Variants in TAGAP observed in about 807,000 individuals in gnomAD.
The protein encoded by TAGAP is T cell activation RhoGTPase activating protein.
TAGAP carries 16 observed loss-of-function variants against 36.0 expected under a neutral mutation model. The observed-to-expected ratio is 0.44, with a 90% CI of 0.30 to 0.68. The LOEUF (loss-of-function observed/expected upper bound fraction) is 0.68. Ranked by LOEUF, TAGAP falls within the 30% of genes least tolerant of loss-of-function variation. The probability of loss-of-function intolerance (pLI) is 0.09; values close to 1 mark genes in which losing one functional copy is unlikely to be tolerated. For missense variants in TAGAP, 794 were observed against 921.5 expected (o/e 0.86, Z 1.79); for synonymous variants, 372 against 377.4 (o/e 0.99, Z 0.17).
Position 159,041,989 on chromosome 6 carries a change from C to T in TAGAP, c.315+89G>A. The stretch of plus-strand genomic sequence containing the variant: ...AATATGGAAGATCAGTCCCTACAAA[C>T]TTAATAGGAGAATGACATTCAGATT... On this transcript the variant is annotated intron_variant, in intron 5 of 9. Transcript: ENST00000367066. This position sits in a 1 kb window ranked among gnomAD's most constrained non-coding sequence, Gnocchi z 4.1. 1 of 1,438,710 alleles carries T rather than the reference C, an allele frequency of 7.0e-7. No homozygotes were observed. The highest frequency in any genetic ancestry group is 9.5e-7 in the Non-Finnish European group (1 of 1,050,544). 89.1% of individuals were successfully genotyped at this position (1,438,710 alleles called of 1,614,324 possible).
intron 7 of TAGAP, among the ~76,000 whole-genome samples, 169 bp downstream of exon 7, chr6:159,040,553 AG>A (rs1321716261): frequency 6.6e-6 from 1 of 152,236 alleles, no homozygotes; most frequent in African/African-American, 2.4e-5. Context: ...TCAAAAGTCC[AG>A]GGCACCCTCT....
intron 8 of TAGAP, chr6:159,038,893 C>G (rs1244749303): frequency 7.1e-7 from 1 of 1,405,892 alleles, no homozygotes. Flanking sequence ...ATACTCGCAG[C>G]ACTCATCTGT....
chr6:159,044,292 A>G, intron 1 of TAGAP, 88 bp from the exon 2 acceptor site: 1 of 715,926 alleles, frequency 1.4e-6, no homozygotes, highest in Non-Finnish European at 2.2e-6. Context: ...AGAGTTTGAA[A>G]CTATTTATTT....
chr6:159,036,267 C>T lies in TAGAP; in HGVS notation c.1756G>A (p.Asp586Asn), dbSNP rs1393662177. Residue 586 changes from aspartate to asparagine, a missense_variant, in exon 10 of 10, where the codon GAC (aspartate) becomes AAC (asparagine). Coordinates refer to ENST00000367066, the MANE Select transcript of TAGAP (RefSeq NM_054114.5). The surrounding 1 kb of genome is among the most constrained non-coding windows in gnomAD (Gnocchi z 4.9). ...GGTGGGCTTCCAGGCCTCTCCCAGT[C>T]AGCTCCCTGGAACACATCATCCACC... Reference protein sequence around the residue: ...LSVDDVFQGADWERPGSPPSY... With the variant: ...LSVDDVFQGANWERPGSPPSY... 1 of 1,612,840 alleles carries T rather than the reference C, an allele frequency of 6.2e-7. No individual in the cohort carries two copies. Among genetic ancestry groups the T allele is most frequent in the Non-Finnish European group, 8.5e-7 (1 of 1,179,996 alleles).
chr6:159,044,285 G>A, intron 1 of TAGAP, 81 bp from the exon 2 acceptor site: 2 of 762,004 alleles, frequency 2.6e-6, no homozygotes, highest in Non-Finnish European at 4.0e-6. Flanking sequence ...AAAGCACAGA[G>A]TTTGAAACTA....
At chr6:159,038,905 T>C in intron 8 of TAGAP, 1 of 1,418,136 alleles carries the variant, frequency 7.1e-7, no homozygotes. Context: ...CTCATCTGTC[T>C]CACAGATGAC....
intron 3 of TAGAP, 36 bp downstream of exon 3, chr6:159,043,942 A>G: frequency 6.3e-7 from 1 of 1,580,084 alleles, no homozygotes; most frequent in South Asian, 1.1e-5. Flanking sequence ...ACCTTCTCAC[A>G]GTACAGATAA....
chr6:159,039,073 G>A (rs1779657907), intron 8 of TAGAP, 41 bp downstream of exon 8: 2 of 1,613,078 alleles, frequency 1.2e-6, no homozygotes, highest in Non-Finnish European at 1.7e-6. Flanking sequence ...CAGATGGTGA[G>A]ATCATAAGTT....
At position 159,039,255 on chromosome 6, in the gene TAGAP, A is replaced by G. The variant is rs995308666; in HGVS notation, c.642T>C (p.Tyr214=). ...AGTTCTTGCTGATGAGGTGCAGCAC[A>G]TAGACCAAGTGCTTGAGTAGCAGGA... is the stretch of plus-strand genomic sequence containing the variant. ...PNLLLLKHLV[Y]VLHLISKNSE... The change falls in exon 8 of 10, where the codon TAT becomes TAC. Residue 214 remains tyrosine, a synonymous_variant. Transcript: ENST00000367066. The G allele has an allele frequency of 1.9e-6, 3 of 1,613,954 alleles. No individual in the cohort carries two copies. The highest frequency in any genetic ancestry group is 2.5e-6 in the Non-Finnish European group (3 of 1,180,028).
intron 1 of TAGAP, among the ~76,000 whole-genome samples, chr6:159,044,557 C>T (rs1487754722): frequency 1.3e-5 from 2 of 151,774 alleles, no homozygotes; most frequent in Non-Finnish European, 2.9e-5. Flanking sequence ...TGAACATTAA[C>T]TTTTTTGGTG....
chr6:159,036,554 G>A lies in TAGAP; in HGVS notation c.1469C>T (p.Ser490Phe). Residue 490 changes from serine to phenylalanine, a missense_variant, in exon 10 of 10, where the codon TCT (serine) becomes TTT (phenylalanine). Physicochemically the swap from Ser to Phe is radical, Grantham distance 155. Coordinates refer to ENST00000367066, the MANE Select transcript of TAGAP (RefSeq NM_054114.5). The surrounding 1 kb of genome is among the most constrained non-coding windows in gnomAD (Gnocchi z 4.9). ...PKRNFFSRHQ[S>F]FTTKTEKGKP... ...GCCTTTCTCTGTCTTTGTGGTGAAA[G>A]ACTGATGTCTGCTGAAGAAATTTCT... The A allele has an allele frequency of 6.2e-7, 1 of 1,614,210 alleles. No homozygotes were observed. Among genetic ancestry groups the A allele is most frequent in the Non-Finnish European group, 8.5e-7 (1 of 1,180,034 alleles).
Position 159,037,748 on chromosome 6 carries a change from C to A in TAGAP, c.898+366G>T, listed in dbSNP as rs889049847. ...CAGCATTTCACTGAAAATGTATTGA[C>A]CTTAATTTTTAAAACTGCTCCTTTT... On this transcript the variant is annotated intron_variant, in intron 9 of 9. Transcript: ENST00000367066. This position sits in a 1 kb window ranked among gnomAD's most constrained non-coding sequence, Gnocchi z 5.1. Among the ~76,000 whole-genome samples, 1 of 152,120 alleles carries A rather than the reference C, an allele frequency of 6.6e-6. No individual in the cohort carries two copies. The highest frequency in any genetic ancestry group is 1.5e-5 in the Non-Finnish European group (1 of 68,018).
Position 159,036,102 on chromosome 6 carries a change from G to A in TAGAP, c.1921C>T (p.His641Tyr). Residue 641 changes from histidine to tyrosine, a missense_variant, in exon 10 of 10, where the codon CAC becomes TAC. Transcript: ENST00000367066. The surrounding 1 kb of genome is among the most constrained non-coding windows in gnomAD (Gnocchi z 4.9). ...HCLLPPLPPA[H>Y]HVEDSRHRGS... The stretch of plus-strand genomic sequence containing the variant: ...CTGTGTCTTGAGTCCTCTACGTGGT[G>A]AGCAGGTGGAAGAGGGGGTAGGAGG... 1.9e-6 allele frequency: 3 copies of A among 1,613,846 alleles called. No individual in the cohort carries two copies. The highest frequency in any genetic ancestry group is 2.5e-6 in the Non-Finnish European group (3 of 1,179,840).
chr6:159,036,445 C>T lies in TAGAP; in HGVS notation c.1578G>A (p.Ala526=), dbSNP rs376637688. Residue 526 remains alanine (A), a synonymous_variant, in exon 10 of 10, where the codon GCG becomes GCA. Coordinates refer to ENST00000367066, the MANE Select transcript of TAGAP (RefSeq NM_054114.5). The surrounding 1 kb of genome is among the most constrained non-coding windows in gnomAD (Gnocchi z 4.9). ...TAAAGTCTTGCGATTTCCCAGAGCCCGCGCTGAGGTTTTTGGTCAGCACTT... is the reference window on the plus strand; with the variant it reads ...TAAAGTCTTGCGATTTCCCAGAGCCTGCGCTGAGGTTTTTGGTCAGCACTT... ...HKKVLTKNLS[A]GSGKSQDFTR... 44 of 1,614,034 alleles carry T rather than the reference C, an allele frequency of 2.7e-5. No homozygotes were observed. Among genetic ancestry groups the T allele is most frequent in the Non-Finnish European group, 2.8e-5 (33 of 1,180,028 alleles).
chr6:159,042,096 T>C lies in TAGAP; in HGVS notation c.297A>G (p.Thr99=), dbSNP rs772510973. 20 of 1,613,822 alleles carry C rather than the reference T, an allele frequency of 1.2e-5. No homozygotes were observed. Among genetic ancestry groups the C allele is most frequent in the Middle Eastern group, 1.6e-4 (1 of 6,082 alleles). Residue 99 remains threonine (T), a synonymous_variant, in exon 5 of 10, where the codon ACA becomes ACG. Transcript: ENST00000367066. ...PLSIICGDSD[T]LPRPIQDILT... ...CGCCTACCTGGATGGGTCTGGGGAG[T>C]GTGTCACTGTCACCGCAGATAATTG...
At chr6:159,040,574 T>G (rs1347135274) in intron 7 of TAGAP, 149 bp downstream of exon 7, 2 of 582,982 alleles carry the variant, frequency 3.4e-6, no homozygotes, top group Non-Finnish European at 6.0e-6. Flanking sequence ...TGGTTTTTGT[T>G]CTGGGAGTGG....
chr6:159,040,412 C>T (rs764179648), intron 7 of TAGAP, among the ~76,000 whole-genome samples: 6 of 152,212 alleles, frequency 3.9e-5, no homozygotes, highest in South Asian at 2.1e-4. Context: ...TTAAAGTTCT[C>T]AGGTCTGATT....
intron 4 of TAGAP, 84 bp downstream of exon 4, chr6:159,043,505 A>T: frequency 7.7e-7 from 1 of 1,293,974 alleles, no homozygotes; most frequent in Non-Finnish European, 1.1e-6. Context: ...AATTCCTAGT[A>T]GAGTAAAAGC....
chr6:159,035,564 G>A lies in TAGAP; in HGVS notation c.*263C>T. ...GTACTTCACTGCAAGTTCAAAACGT[G>A]TGCAGGGATTATTAGACATCCTTTG... On this transcript the variant is annotated 3_prime_UTR_variant, in exon 10 of 10. Transcript: ENST00000367066. The A allele has an allele frequency of 6.0e-6, 2 of 335,380 alleles. No homozygotes were observed. Among genetic ancestry groups the A allele is most frequent in the Middle Eastern group, 8.3e-4 (1 of 1,210 alleles). The allele number at this position is 335,380 out of a possible 1,614,324, so 20.8% of individuals were successfully genotyped here.
Sources: allele counts gnomAD v4.1 joint callset (sites outside exome capture counted in the v4.1 genomes callset), GRCh38; gene constraint gnomAD v4.1.1; non-coding constraint Gnocchi (gnomAD v3.1); transcripts MANE v1.5; gene names NCBI Gene and HGNC (gene_info 2026-07-23, HGNC 2026-07-21).